RTTN: variants seen among roughly 807,000 people sequenced by gnomAD.
The protein encoded by RTTN is rotatin.
RTTN carries 182 observed loss-of-function variants against 269.2 expected under a neutral mutation model. That is an observed-to-expected ratio of 0.68 (90% CI 0.60 to 0.76). The LOEUF is 0.76. Ranked by LOEUF, RTTN falls within the 30% of genes least tolerant of loss-of-function variation. RTTN has a pLI of 0.00. For synonymous variants in RTTN, 1,006 were observed against 963.5 expected (o/e 1.04, Z -0.82); for missense variants, 2,545 against 2,608.6 (o/e 0.98, Z 0.53).
In RTTN at chr18:70,193,358, G is replaced by T. The variant is rs2061727166; in HGVS notation, c.937C>A (p.Pro313Thr). ...NPSPGSSSPRPSVVGRTGQRP... is the reference protein window; with the variant it reads ...NPSPGSSSPRTSVVGRTGQRP... ...TGGCCTGTGCGCCCAACCACAGAAG[G>T]CCGAGGGCTGCTGCTTCCTGGGGAA... The change falls in exon 8 of 49, where the codon CCT becomes ACT. Residue 313 changes from proline to threonine, a missense_variant. Coordinates refer to ENST00000640769, the MANE Select transcript of RTTN (RefSeq NM_173630.4). 6.2e-7 allele frequency: 1 copy of T among 1,610,282 alleles called. No homozygotes were observed. The highest frequency in any genetic ancestry group is 1.3e-5 in the African/African-American group (1 of 74,484).
At chr18:70,061,357 G>C (rs1332788855) in intron 35 of RTTN, 1 of 456,044 alleles carries the variant, frequency 2.2e-6, no homozygotes, top group African/African-American at 2.0e-5. Context: ...TTCTTTCCTC[G>C]TCCAAGCTCT....
chr18:70,075,777 G>A (rs552915835), intron 32 of RTTN, among the ~76,000 whole-genome samples: 1 of 152,064 alleles, frequency 6.6e-6, no homozygotes, highest in Admixed American at 6.6e-5. Context: ...TCTTTCTCTT[G>A]AGGGGCCATT....
Position 70,041,942 on chromosome 18 carries a change from C to T in RTTN, c.5541+6029G>A, listed in dbSNP as rs542359421. ...GCCTACAAAATAACCCCCATTGGTC[C>T]CCTTGGACAGCAATTGACAAGTTGC... On this transcript the variant is annotated intron_variant, in intron 40 of 48. Transcript: ENST00000640769. 6.6e-5 allele frequency among the ~76,000 whole-genome samples: 10 copies of T among 151,998 alleles called. No individual in the cohort carries two copies. In the South Asian group the frequency reaches 2.1e-3, roughly 32 times the overall value.
intron 46 of RTTN, among the ~76,000 whole-genome samples, chr18:70,016,800 C>T (rs1052853701): frequency 6.6e-6 from 1 of 151,844 alleles, no homozygotes; most frequent in African/African-American, 2.4e-5. Flanking sequence ...ATTGAGTGCT[C>T]GCTAGTTGCA....
chr18:70,097,131 A>G (rs2145298293), intron 28 of RTTN, among the ~76,000 whole-genome samples: 1 of 152,344 alleles, frequency 6.6e-6, no homozygotes, highest in Admixed American at 6.5e-5. Context: ...TACATCATGT[A>G]TCTGATTTAA....
intron 14 of RTTN, among the ~76,000 whole-genome samples, chr18:70,152,215 GCTGATGAC>G (rs5825996): frequency 0.81 from 123,340 of 151,682 alleles, 53,325 homozygotes; most frequent in East Asian, 1. Flanking sequence ...TCATCTCTAA[GCTGATGAC>G]TGAAAATTTT....
At chr18:70,008,470 G>T (rs895127778) in intron 46 of RTTN, 1 of 151,976 alleles carries the variant, frequency 6.6e-6, no homozygotes. Flanking sequence ...AGCTAAAGAA[G>T]CATGTTCTAA....
chr18:70,031,984 ACC>A (rs1249832017), intron 40 of RTTN, among the ~76,000 whole-genome samples: 1 of 152,102 alleles, frequency 6.6e-6, no homozygotes, highest in Non-Finnish European at 1.5e-5. Flanking sequence ...GTAGGAAGGA[ACC>A]CCTGGACCAC....
chr18:70,026,563 C>T (rs1172425518), intron 43 of RTTN, among the ~76,000 whole-genome samples: 2 of 152,108 alleles, frequency 1.3e-5, no homozygotes, highest in Non-Finnish European at 2.9e-5. Context: ...TGTGCTTCCT[C>T]TATACCCTGC....
At chr18:70,203,403 C>A (rs2062001248) in intron 3 of RTTN, among the ~76,000 whole-genome samples, 1 of 152,044 alleles carries the variant, frequency 6.6e-6, no homozygotes, top group Non-Finnish European at 1.5e-5. Flanking sequence ...TGACGGGGCA[C>A]CATGTTGGTC....
At chr18:70,201,336 C>T (rs1312135242) in intron 4 of RTTN, among the ~76,000 whole-genome samples, 1 of 152,132 alleles carries the variant, frequency 6.6e-6, no homozygotes, top group South Asian at 2.1e-4. Context: ...GGCGCGGTGG[C>T]TCACGCCTGT....
At chr18:70,128,120 A>G in intron 24 of RTTN, 1 of 454,078 alleles carries the variant, frequency 2.2e-6, no homozygotes, top group Admixed American at 3.8e-5. Flanking sequence ...TCAGACTTTA[A>G]CCTCTAAAAC....
chr18:70,066,855 C>T (rs77769925), intron 34 of RTTN, among the ~76,000 whole-genome samples: 2 of 152,198 alleles, frequency 1.3e-5, no homozygotes, highest in East Asian at 3.9e-4. Flanking sequence ...TTTTCATTTG[C>T]AGTTTCTAAT....
chr18:70,101,477 A>G (rs867330166), intron 28 of RTTN, among the ~76,000 whole-genome samples: 3 of 151,204 alleles, frequency 2.0e-5, no homozygotes, highest in Non-Finnish European at 4.4e-5. Context: ...TTTCTTCTTT[A>G]TTAGTCTTGC....
intron 11 of RTTN, among the ~76,000 whole-genome samples, chr18:70,173,768 G>A (rs2061211962): frequency 1.3e-5 from 2 of 152,096 alleles, no homozygotes; most frequent in African/African-American, 4.8e-5. Flanking sequence ...AATACAGTCA[G>A]TAAGAAGATT....
intron 6 of RTTN, 40 bp from the exon 7 acceptor site, chr18:70,196,688 A>C (rs1478291689): frequency 1.3e-6 from 2 of 1,592,692 alleles, no homozygotes; most frequent in African/African-American, 2.7e-5. Flanking sequence ...TAAGGGAACA[A>C]AGAGCTCAAC....
At chr18:70,158,993 G>A (rs759658116) in intron 14 of RTTN, among the ~76,000 whole-genome samples, 2 of 152,086 alleles carry the variant, frequency 1.3e-5, no homozygotes, top group Non-Finnish European at 2.9e-5. Context: ...ATAATAGTGG[G>A]AGACTTCAAC....
At chr18:70,006,350 C>T (rs146313531) in intron 47 of RTTN, 31 bp downstream of exon 47, 1 of 1,506,656 alleles carries the variant, frequency 6.6e-7, no homozygotes, top group Non-Finnish European at 9.2e-7. Context: ...TTGTTTGCTC[C>T]CCAGGTGTAA....
chr18:70,149,453 G>C (rs190117965), intron 16 of RTTN, among the ~76,000 whole-genome samples: 67 of 151,036 alleles, frequency 4.4e-4, no homozygotes, highest in African/African-American at 1.6e-3. Flanking sequence ...AAAGAGGACT[G>C]TGCTTATGAT....
Sources: allele counts gnomAD v4.1 joint callset (sites outside exome capture counted in the v4.1 genomes callset), GRCh38; gene constraint gnomAD v4.1.1; transcripts MANE v1.5; gene names NCBI Gene and HGNC (gene_info 2026-07-23, HGNC 2026-07-21).